SP3: variants seen among roughly 807,000 people sequenced by gnomAD.
The protein encoded by SP3 is Sp3 transcription factor.
SP3 carries 10 observed loss-of-function variants against 70.3 expected under a neutral mutation model. The ratio of observed to expected loss-of-function variants is 0.14; its 90% CI spans 0.09 to 0.24. The LOEUF (loss-of-function observed/expected upper bound fraction) is 0.24, where lower values mean the gene tolerates loss of function less well. SP3 is among the 10% of genes least tolerant of loss of function. SP3 has a pLI of 1.00. For missense variants in SP3, 825 were observed against 914.6 expected, an observed-to-expected ratio of 0.90 and a Z score of 1.26; for synonymous variants, 402 against 333.5, an observed-to-expected ratio of 1.21 and a Z score of -2.24.
At chr2:173,943,230 T>C (rs977206141) in intron 4 of SP3, among the ~76,000 whole-genome samples, 2 of 152,180 alleles carry the variant, frequency 1.3e-5, no homozygotes, top group African/African-American at 4.8e-5. Flanking sequence ...TAAATCCAAT[T>C]TCCCTACCAT....
chr2:173,925,126 G>C (rs1689874209), intron 4 of SP3, among the ~76,000 whole-genome samples: 1 of 152,182 alleles, frequency 6.6e-6, no homozygotes, highest in Non-Finnish European at 1.5e-5. Context: ...GACCTCAGGT[G>C]ATCCGCCCAC....
rs1689374085 is a variant in SP3 at position 173,907,886 on chromosome 2, A to G, written c.*2055T>C. On this transcript the variant is annotated 3_prime_UTR_variant, in exon 7 of 7. Transcript: ENST00000310015. The stretch of plus-strand genomic sequence containing the variant: ...TTTACATCACAGGCTTAAGTCTCAC[A>G]TTTAGAAAAACTGTCCATGTTTATG... 1 of 152,138 alleles carries G rather than the reference A, an allele frequency of 6.6e-6. No homozygotes were observed. The highest frequency in any genetic ancestry group is 1.5e-5 in the Non-Finnish European group (1 of 67,990). 9.4% of individuals were successfully genotyped at this position (152,138 alleles called of 1,614,324 possible).
At chr2:173,928,503 TAAAA>T (rs369695925) in intron 4 of SP3, among the ~76,000 whole-genome samples, 3 of 138,306 alleles carry the variant, frequency 2.2e-5, no homozygotes, top group Admixed American at 1.4e-4. Flanking sequence ...CTTCCTTCAT[TAAAA>T]AAAAAAAAAA....
chr2:173,944,290 T>C (rs959645258), intron 4 of SP3, among the ~76,000 whole-genome samples: 3 of 152,192 alleles, frequency 2.0e-5, no homozygotes, highest in African/African-American at 7.2e-5. Context: ...TCCCAACACT[T>C]TGGGAGGCCA....
intron 4 of SP3, among the ~76,000 whole-genome samples, chr2:173,933,638 T>TTATATATATATA (rs60102426): frequency 0.042 from 3,572 of 86,008 alleles, 138 homozygotes; most frequent in Non-Finnish European, 0.048. Flanking sequence ...TTATAAAACT[T>TTATATATATATA]TATATATATA....
rs780706390 is a variant in SP3, at chr2:173,909,671, T to C, written c.*270A>G. 25 of 282,366 alleles carry C rather than the reference T, an allele frequency of 8.9e-5. No individual in the cohort carries two copies. The highest frequency in any genetic ancestry group is 1.6e-4 in the Non-Finnish European group (24 of 148,230). 17.5% of individuals were successfully genotyped at this position (282,366 alleles called of 1,614,324 possible). A position where few individuals can be genotyped will look rare whatever the true frequency, so the allele number is the denominator to read the frequency against. ...GCATTTGGTTAGACTACCATTCGCA[T>C]TGTTAAATTCAATTTTCTCTTTATA... On this transcript the variant is annotated 3_prime_UTR_variant, in exon 7 of 7. Coordinates refer to ENST00000310015, the MANE Select transcript of SP3 (RefSeq NM_003111.5).
At chr2:173,958,270 GT>G (rs5836443) in intron 3 of SP3, among the ~76,000 whole-genome samples, 54,663 of 137,738 alleles carry the variant, frequency 0.4, 10,444 homozygotes, top group East Asian at 0.6. Flanking sequence ...CACCTAAAGT[GT>G]TTTTTTTTTT....
intron 4 of SP3, among the ~76,000 whole-genome samples, chr2:173,943,038 T>C (rs934227834): frequency 1.3e-5 from 2 of 152,152 alleles, no homozygotes; most frequent in African/African-American, 2.4e-5. Flanking sequence ...GATTTTGATA[T>C]TCTAGGGGGT....
rs747468765 is a variant in SP3 at position 173,909,781 on chromosome 2, A to G, written c.*160T>C. 5 of 576,548 alleles carry G rather than the reference A, an allele frequency of 8.7e-6. No homozygotes were observed. The highest frequency in any genetic ancestry group is 1.5e-5 in the Non-Finnish European group (5 of 329,816). The allele number at this position is 576,548 out of a possible 1,614,324, so 35.7% of individuals were successfully genotyped here. The stretch of plus-strand genomic sequence containing the variant: ...TTTACCATTTTTAATATACTATGGA[A>G]TATCATACAAAGTAAGGCATTTCAG... On this transcript the variant is annotated 3_prime_UTR_variant, in exon 7 of 7. Coordinates refer to ENST00000310015, the MANE Select transcript of SP3 (RefSeq NM_003111.5).
At chr2:173,919,940 T>C (rs1164280691) in intron 4 of SP3, among the ~76,000 whole-genome samples, 1 of 151,834 alleles carries the variant, frequency 6.6e-6, no homozygotes, top group African/African-American at 2.4e-5. Flanking sequence ...CACCCTAAAC[T>C]AGAAAAACTC....
At chr2:173,948,931 C>G (rs987186009) in intron 4 of SP3, among the ~76,000 whole-genome samples, 2 of 152,052 alleles carry the variant, frequency 1.3e-5, no homozygotes, top group African/African-American at 4.8e-5. Context: ...CATAACCAAG[C>G]TAAGTGGTAT....
intron 4 of SP3, among the ~76,000 whole-genome samples, chr2:173,953,542 G>T (rs1690781463): frequency 6.6e-6 from 1 of 152,158 alleles, no homozygotes; most frequent in South Asian, 2.1e-4. Flanking sequence ...TCAGGAGTTT[G>T]TGACCAGCCT....
intron 4 of SP3, among the ~76,000 whole-genome samples, chr2:173,949,571 C>T (rs1252611725): frequency 6.6e-6 from 1 of 152,034 alleles, no homozygotes; most frequent in Non-Finnish European, 1.5e-5. Flanking sequence ...TGAGATAATA[C>T]ACCTAAAAAC....
intron 6 of SP3, among the ~76,000 whole-genome samples, chr2:173,910,536 TAA>T (rs941764765): frequency 5.3e-5 from 8 of 152,178 alleles, no homozygotes; most frequent in Non-Finnish European, 7.3e-5. Context: ...TCAACTACGC[TAA>T]GAGTTTGTTT....
At chr2:173,961,001 T>C (rs1323598087) in intron 3 of SP3, among the ~76,000 whole-genome samples, 1 of 152,022 alleles carries the variant, frequency 6.6e-6, no homozygotes, top group Non-Finnish European at 1.5e-5. Flanking sequence ...AAAATAAAAG[T>C]CACTTATTTT....
At chr2:173,929,879 T>C (rs1031900994) in intron 4 of SP3, among the ~76,000 whole-genome samples, 1 of 152,222 alleles carries the variant, frequency 6.6e-6, no homozygotes, top group Non-Finnish European at 1.5e-5. Flanking sequence ...CTTTTGTCTA[T>C]GCCTCTCCCT....
At position 173,963,856 on chromosome 2, in the gene SP3, G is replaced by A. The variant is rs750177040; in HGVS notation, c.184C>T (p.Leu62=). 7 of 1,507,260 alleles carry A rather than the reference G, an allele frequency of 4.6e-6. No homozygotes were observed. In the East Asian group the frequency reaches 1.4e-4, roughly 30 times the overall value. The allele number at this position is 1,507,260 out of a possible 1,614,324, so 93.4% of individuals were successfully genotyped here. ...CCTATCTTGCTGCAGGTAGCGGCCA[G>A]CAGAGCGAGCGGTGACGGCTGAGTG... ...QDTQPSPLAL[L]AATCSKIGPP... is the part of the protein sequence containing the mutation. Residue 62 remains leucine (L), a synonymous_variant, in exon 3 of 7, where the codon CTG becomes TTG. Transcript: ENST00000310015.
At chr2:173,922,160 TGAG>T (rs1484278867) in intron 4 of SP3, among the ~76,000 whole-genome samples, 1 of 152,092 alleles carries the variant, frequency 6.6e-6, no homozygotes, top group Non-Finnish European at 1.5e-5. Context: ...GCTAAGGTAT[TGAG>T]GAGGAGGGGT....
At chr2:173,918,020 G>T in intron 5 of SP3, among the ~76,000 whole-genome samples, 1 of 149,712 alleles carries the variant, frequency 6.7e-6, no homozygotes, top group Admixed American at 6.7e-5. Context: ...TATGATCTGA[G>T]TCTCAATCTC....
Sources: gnomAD v4.1 joint callset for allele counts (sites outside exome capture counted in the v4.1 genomes callset) on GRCh38, gnomAD v4.1.1 for gene constraint, MANE v1.5 for transcripts, NCBI Gene and HGNC (gene_info 2026-07-23, HGNC 2026-07-21) for gene names.